The following PRKAR1A variants were observed in gnomAD, a reference collection of about 807,000 sequenced individuals.
PRKAR1A encodes the protein cAMP-dependent protein kinase type I-alpha regulatory subunit.
Under a neutral mutation model 52.0 loss-of-function variants are expected in PRKAR1A, and 3 were observed. That is an observed-to-expected ratio of 0.06 (90% CI 0.03 to 0.15). The LOEUF (loss-of-function observed/expected upper bound fraction) is 0.15, where lower values mean the gene tolerates loss of function less well. PRKAR1A is among the 10% of genes least tolerant of loss of function. The pLI, the probability that PRKAR1A is intolerant of heterozygous loss-of-function variation, is 1.00. For missense variants in PRKAR1A, 240 were observed against 477.4 expected (o/e 0.50, Z 4.63); for synonymous variants, 188 against 168.4 (o/e 1.12, Z -0.90).
At chr17:68,536,530 C>G (rs1334038777), downstream of PRKAR1A, 1 of 454,102 alleles carries the variant, frequency 2.2e-6, no homozygotes, top group South Asian at 1.6e-5. Flanking sequence ...AGCCAGCCGT[C>G]ACAGGGAGGG....
chr17:68,479,371 G>C, the PRKAR1A span, among the ~76,000 whole-genome samples: 38 of 152,042 alleles, frequency 2.5e-4, no homozygotes, highest in East Asian at 7.1e-3. Flanking sequence ...TTTGTATTTG[G>C]TGATTTTGCA....
chr17:68,484,969 G>A, the PRKAR1A span, among the ~76,000 whole-genome samples: 3 of 152,206 alleles, frequency 2.0e-5, no homozygotes, highest in African/African-American at 7.2e-5. Context: ...CAATGGCAAA[G>A]AATTAACAAA....
chr17:68,422,176 C>T, the PRKAR1A span: 1 of 207,358 alleles, frequency 4.8e-6, no homozygotes, highest in Non-Finnish European at 1.0e-5. Flanking sequence ...GCCTGTAATC[C>T]CAGAACTTTG....
the PRKAR1A span, among the ~76,000 whole-genome samples, chr17:68,430,601 C>A: frequency 2.6e-5 from 4 of 152,290 alleles, no homozygotes; most frequent in South Asian, 2.1e-4. Context: ...GGGTAGCAAA[C>A]CTCCGGGCAA....
the PRKAR1A span, chr17:68,430,178 G>A: frequency 1.2e-6 from 2 of 1,603,110 alleles, no homozygotes; most frequent in South Asian, 2.2e-5. Context: ...GTAATGCACA[G>A]GCAACGATGG....
the PRKAR1A span, among the ~76,000 whole-genome samples, chr17:68,426,842 A>G: frequency 6.6e-6 from 1 of 152,162 alleles, no homozygotes; most frequent in East Asian, 1.9e-4. Context: ...GCCTCATTGG[A>G]ATTTTTGAAG....
chr17:68,545,892 G>A (rs1045143038), intron 11 of PRKAR1A, among the ~76,000 whole-genome samples: 37 of 152,264 alleles, frequency 2.4e-4, no homozygotes, highest in African/African-American at 8.4e-4. Context: ...CTTATTGGTC[G>A]GGTGCGGTGG....
At chr17:68,456,850 G>A in the PRKAR1A span, among the ~76,000 whole-genome samples, 3 of 152,224 alleles carry the variant, frequency 2.0e-5, no homozygotes, top group African/African-American at 7.2e-5. Context: ...TTTGTCCGAG[G>A]CCCTGCCCAG....
At chr17:68,417,853 C>A in the PRKAR1A span, among the ~76,000 whole-genome samples, 1 of 146,034 alleles carries the variant, frequency 6.8e-6, no homozygotes, top group Non-Finnish European at 1.5e-5. Context: ...GCCTCAGCCT[C>A]CCAGGTAGCC....
At chr17:68,541,115 G>A (rs1023954149) in intron 11 of PRKAR1A, 24 of 1,031,612 alleles carry the variant, frequency 2.3e-5, no homozygotes, top group African/African-American at 1.1e-4. Context: ...GGGCAAGGAC[G>A]CGTAAGGCTG....
chr17:68,483,905 A>G, the PRKAR1A span, among the ~76,000 whole-genome samples: 2 of 152,022 alleles, frequency 1.3e-5, no homozygotes, highest in African/African-American at 4.8e-5. Context: ...AATTGTCCAT[A>G]TATGTGTGTG....
the PRKAR1A span, among the ~76,000 whole-genome samples, chr17:68,485,574 A>G: frequency 5.3e-5 from 8 of 152,164 alleles, no homozygotes; most frequent in Non-Finnish European, 1.2e-4. Context: ...TAATGCCCGC[A>G]CCACAGAAGA....
Position 68,532,580 on chromosome 17 carries a change from T to C in PRKAR1A, c.*2131T>C, listed in dbSNP as rs2086006023. Reference sequence around the variant, plus strand: ...ATATTCAAGGCTTTAAAAGTCATTATTCCTGGGCTTGGTAAGTGAATTTAT... The same window carrying C: ...ATATTCAAGGCTTTAAAAGTCATTACTCCTGGGCTTGGTAAGTGAATTTAT... On this transcript the variant is annotated 3_prime_UTR_variant, in exon 11 of 11. Transcript: ENST00000589228. 8.4e-6 allele frequency: 9 copies of C among 1,066,236 alleles called. No individual in the cohort carries two copies. Among genetic ancestry groups the C allele is most frequent in the Non-Finnish European group, 1.0e-5 (9 of 879,616 alleles). 66.0% of individuals were successfully genotyped at this position (1,066,236 alleles called of 1,614,324 possible).
intron 11 of PRKAR1A, among the ~76,000 whole-genome samples, chr17:68,547,277 A>T (rs191342476): frequency 3.5e-4 from 53 of 152,126 alleles, no homozygotes; most frequent in South Asian, 2.1e-3. Context: ...TATTATTATT[A>T]TTTTTTTATT....
At chr17:68,413,795 G>C in the PRKAR1A span, 1 of 158,222 alleles carries the variant, frequency 6.3e-6, no homozygotes, top group Non-Finnish European at 1.4e-5. Flanking sequence ...CTCCGAGCCA[G>C]GTAAGGGATG....
the PRKAR1A span, among the ~76,000 whole-genome samples, chr17:68,416,837 TTCTA>T: frequency 2.0e-5 from 3 of 152,198 alleles, no homozygotes; most frequent in Non-Finnish European, 2.9e-5. Flanking sequence ...TTTTTCTTTA[TTCTA>T]TCTATTTCCT....
the PRKAR1A span, among the ~76,000 whole-genome samples, chr17:68,431,460 G>A: frequency 2.0e-5 from 3 of 152,070 alleles, no homozygotes; most frequent in African/African-American, 7.2e-5. Flanking sequence ...GTGGCTGCTG[G>A]GCTCTGCAGC....
chr17:68,528,000 C>A, intron 8 of PRKAR1A, 100 bp downstream of exon 8: 1 of 1,041,338 alleles, frequency 9.6e-7, no homozygotes, highest in Non-Finnish European at 1.5e-6. Flanking sequence ...AATTGCTACT[C>A]ATTCCCCCTG....
At chr17:68,541,674 T>C in intron 11 of PRKAR1A, 1 of 271,054 alleles carries the variant, frequency 3.7e-6, no homozygotes, top group Non-Finnish European at 7.1e-6. Context: ...CTGTGCTGTG[T>C]TTTCGTGATC....
Sources: gnomAD v4.1 joint callset for allele counts (sites outside exome capture counted in the v4.1 genomes callset) on GRCh38, gnomAD v4.1.1 for gene constraint, MANE v1.5 for transcripts, NCBI Gene and HGNC (gene_info 2026-07-23, HGNC 2026-07-21) for gene names.